NALCN: variants seen among roughly 807,000 people sequenced by gnomAD.
The protein encoded by NALCN is sodium leak channel NALCN.
In NALCN, 111 loss-of-function variants were observed where a neutral mutation model predicts 225.3. That is an observed-to-expected ratio of 0.49 (90% CI 0.42 to 0.58). The LOEUF is 0.58. NALCN is among the 20% of genes least tolerant of loss of function. The pLI is 0.00. For synonymous variants in NALCN, 764 were observed against 769.0 expected (o/e 0.99, Z 0.11); for missense variants, 1,378 against 2,202.4 (o/e 0.63, Z 7.49).
At chr13:101,269,816 G>T (rs2042716987) in intron 10 of NALCN, among the ~76,000 whole-genome samples, 1 of 152,148 alleles carries the variant, frequency 6.6e-6, no homozygotes, top group Non-Finnish European at 1.5e-5. Flanking sequence ...ATGACCCTCT[G>T]ATTCTGACAT....
At chr13:101,270,666 A>ACTG (rs2042747667) in intron 10 of NALCN, among the ~76,000 whole-genome samples, 1 of 152,238 alleles carries the variant, frequency 6.6e-6, no homozygotes, top group South Asian at 2.1e-4. Flanking sequence ...TGCCTGATAC[A>ACTG]CAAAGTGACT....
intron 42 of NALCN, 105 bp downstream of exon 42, chr13:101,059,713 T>C (rs2031683999): frequency 1.0e-6 from 1 of 973,652 alleles, no homozygotes; most frequent in East Asian, 2.6e-5. Flanking sequence ...TTAGAAATAT[T>C]GTCACCTTGT....
chr13:101,154,584 T>C (rs893384714), intron 15 of NALCN, among the ~76,000 whole-genome samples: 4 of 152,208 alleles, frequency 2.6e-5, no homozygotes, highest in African/African-American at 9.6e-5. Flanking sequence ...GCTTTTCCCC[T>C]ACTAGCATGA....
chr13:101,280,932 T>C (rs1028450478), intron 10 of NALCN, among the ~76,000 whole-genome samples: 6 of 149,568 alleles, frequency 4.0e-5, no homozygotes, highest in African/African-American at 7.3e-5. Context: ...CCAGGCTACA[T>C]TGCAGTGGCA....
At chr13:101,285,312 TG>T (rs1566531180) in intron 9 of NALCN, among the ~76,000 whole-genome samples, 1 of 152,188 alleles carries the variant, frequency 6.6e-6, no homozygotes, top group African/African-American at 2.4e-5. Flanking sequence ...TATTTATTTT[TG>T]GGGGGAGATA....
At position 101,124,623 on chromosome 13, in the gene NALCN, A is replaced by G. The variant is rs773172075; in HGVS notation, c.2177T>C (p.Val726Ala). The change falls in exon 18 of 44, where the codon GTC becomes GCC. Residue 726 changes from valine (V) to alanine (A), a missense_variant. By Grantham distance (64) the Val-to-Ala change is moderately conservative. Around this residue, in one of 19 missense-constraint regions of NALCN, gnomAD observed 100 missense variants for 89.4 expected, o/e 1.12. Coordinates refer to ENST00000251127, the MANE Select transcript of NALCN (RefSeq NM_052867.4). ...ARNLLEKETAVTKILRACTRQ... is the reference protein window; with the variant it reads ...ARNLLEKETAATKILRACTRQ... Reference sequence around the variant, plus strand: ...TTGGTGTTACCTTAAGATTTTAGTGACTGCGGTCTCCTTTTCCAGAAGGTT... The same window carrying G: ...TTGGTGTTACCTTAAGATTTTAGTGGCTGCGGTCTCCTTTTCCAGAAGGTT... The G allele has an allele frequency of 3.7e-6, 6 of 1,613,970 alleles. No homozygotes were observed. The Admixed American group carries it at 1.0e-4, about 27-fold the overall frequency.
chr13:101,057,779 G>A (rs142449412), intron 43 of NALCN, 160 bp downstream of exon 43: 2 of 671,594 alleles, frequency 3.0e-6, no homozygotes, highest in African/African-American at 1.8e-5. Flanking sequence ...TTATTTTGGG[G>A]GACAATGTTT....
At chr13:101,103,465 CTGTT>C (rs1357062102) in intron 25 of NALCN, 126 bp from the exon 26 acceptor site, 45 of 1,111,772 alleles carry the variant, frequency 4.0e-5, no homozygotes, top group Non-Finnish European at 5.5e-5. Flanking sequence ...TACGTGCCAT[CTGTT>C]AACTTTAAAC....
intron 13 of NALCN, among the ~76,000 whole-genome samples, chr13:101,214,546 G>A (rs1044319506): frequency 6.6e-6 from 1 of 151,958 alleles, no homozygotes; most frequent in African/African-American, 2.4e-5. Context: ...GGAAAAAAAT[G>A]ATTCAAAAAC....
At chr13:101,268,396 C>T (rs979753476) in intron 10 of NALCN, among the ~76,000 whole-genome samples, 32 of 152,172 alleles carry the variant, frequency 2.1e-4, no homozygotes, top group Non-Finnish European at 3.7e-4. Flanking sequence ...CCAGCTCCCC[C>T]AGCTCTTATG....
intron 42 of NALCN, chr13:101,058,970 C>T (rs527847860): frequency 6.6e-6 from 1 of 152,408 alleles, no homozygotes; most frequent in African/African-American, 2.4e-5. Flanking sequence ...GCTATGGCAC[C>T]AGTGGGCCTC....
At chr13:101,374,272 CTT>C (rs869167949) in intron 6 of NALCN, among the ~76,000 whole-genome samples, 4 of 119,900 alleles carry the variant, frequency 3.3e-5, no homozygotes, top group African/African-American at 6.4e-5. Flanking sequence ...AAATTTCTTT[CTT>C]TTTTTTTTTT....
At chr13:101,321,071 T>G (rs2044731688) in intron 7 of NALCN, among the ~76,000 whole-genome samples, 1 of 152,206 alleles carries the variant, frequency 6.6e-6, no homozygotes, top group South Asian at 2.1e-4. Context: ...GTCTGTGAAA[T>G]TCCACATTTT....
At chr13:101,322,377 T>C (rs1328809758) in intron 7 of NALCN, among the ~76,000 whole-genome samples, 1 of 152,258 alleles carries the variant, frequency 6.6e-6, no homozygotes, top group Non-Finnish European at 1.5e-5. Context: ...AACATACACA[T>C]GCTAGGCTAA....
chr13:101,111,246 C>A lies in NALCN; in HGVS notation c.2193-20G>T. 6.4e-7 allele frequency: 1 copy of A among 1,570,120 alleles called. No homozygotes were observed. Among genetic ancestry groups the A allele is most frequent in the Non-Finnish European group, 8.7e-7 (1 of 1,152,072 alleles). On this transcript the variant is annotated intron_variant, in intron 18 of 43. Coordinates refer to ENST00000251127, the MANE Select transcript of NALCN (RefSeq NM_052867.4). ...CAAGCTCTAGGAAAAAAAAAGGAGC[C>A]CAAGATAAATGCATGGTTTGTACAC...
At chr13:101,111,080 C>T (rs2035405661) in intron 19 of NALCN, 45 bp downstream of exon 19, 21 of 1,568,708 alleles carry the variant, frequency 1.3e-5, no homozygotes, top group Non-Finnish European at 1.7e-5. Flanking sequence ...CTGTAAAACC[C>T]CCCTTTTTTA....
At chr13:101,213,324 G>A (rs1232168371) in intron 13 of NALCN, among the ~76,000 whole-genome samples, 3 of 152,104 alleles carry the variant, frequency 2.0e-5, no homozygotes, top group Non-Finnish European at 4.4e-5. Flanking sequence ...TTAAATGTTA[G>A]ACCTAAAACC....
intron 15 of NALCN, among the ~76,000 whole-genome samples, chr13:101,166,295 CT>C (rs1277995697): frequency 1.3e-5 from 2 of 152,250 alleles, no homozygotes; most frequent in Non-Finnish European, 2.9e-5. Flanking sequence ...GATCATGCTA[CT>C]TTTAATTTTT....
intron 14 of NALCN, among the ~76,000 whole-genome samples, chr13:101,188,937 C>T (rs2039566378): frequency 6.6e-6 from 1 of 152,150 alleles, no homozygotes; most frequent in African/African-American, 2.4e-5. Flanking sequence ...ATCCACCTGC[C>T]TCAGCCTCCC....
Sources: allele counts gnomAD v4.1 joint callset (sites outside exome capture counted in the v4.1 genomes callset), GRCh38; gene constraint gnomAD v4.1.1; regional missense constraint gnomAD v4.1.1; transcripts MANE v1.5; gene names NCBI Gene and HGNC (gene_info 2026-07-23, HGNC 2026-07-21).